Variants in ITCH observed in about 807,000 individuals in gnomAD.
ITCH encodes E3 ubiquitin-protein ligase Itchy homolog.
ITCH carries 28 observed loss-of-function variants against 126.8 expected under a neutral mutation model. The observed-to-expected ratio is 0.22, with a 90% CI of 0.16 to 0.30. The LOEUF is 0.30. Among genes scored for constraint, ITCH ranks in the 10% least tolerant of loss-of-function variants. The pLI, the probability that ITCH is intolerant of heterozygous loss-of-function variation, is 1.00. For synonymous variants in ITCH, 342 were observed against 340.0 expected (o/e 1.01, Z -0.06); for missense variants, 631 against 1,032.4 (o/e 0.61, Z 5.33).
At chr20:34,363,551 G>T (rs943214115) in intron 1 of ITCH, among the ~76,000 whole-genome samples, 2 of 152,218 alleles carry the variant, frequency 1.3e-5, no homozygotes, top group African/African-American at 4.8e-5. Context: ...GTGGGGGTGG[G>T]CTGTCTGGAC....
At chr20:34,460,038 A>T (rs1986365716) in intron 13 of ITCH, among the ~76,000 whole-genome samples, 1 of 152,186 alleles carries the variant, frequency 6.6e-6, no homozygotes, top group Non-Finnish European at 1.5e-5. Flanking sequence ...AACACAGATG[A>T]CCTAGTTCTA....
chr20:34,384,440 C>A lies in ITCH; in HGVS notation c.-21-9351C>A, dbSNP rs2038195804. Among the ~76,000 whole-genome samples, 5 of 151,642 alleles carry A rather than the reference C, an allele frequency of 3.3e-5. No homozygotes were observed. The South Asian group carries it at 1.0e-3, about 32-fold the overall frequency. Reference sequence around the variant, plus strand: ...GGATTACAGGCATGCGCCACCATGTCCAGCTCATTTTTGTATTTTTAGTAG... The same window carrying A: ...GGATTACAGGCATGCGCCACCATGTACAGCTCATTTTTGTATTTTTAGTAG... On this transcript the variant is annotated intron_variant, in intron 2 of 24. Coordinates refer to ENST00000374864, the MANE Select transcript of ITCH (RefSeq NM_031483.7).
intron 23 of ITCH, among the ~76,000 whole-genome samples, chr20:34,499,272 C>CTCTTTTTTT (rs1990092141): frequency 4.3e-5 from 1 of 23,010 alleles, no homozygotes; most frequent in African/African-American, 1.6e-4. Context: ...CTGTGCCCAG[C>CTCTTTTTTT]TTTTTTTTTT....
chr20:34,466,891 G>A (rs868560489), intron 14 of ITCH, among the ~76,000 whole-genome samples: 11 of 152,092 alleles, frequency 7.2e-5, no homozygotes, highest in African/African-American at 2.7e-4. Context: ...CTAGAAAAAG[G>A]CAAGTTATTA....
At chr20:34,479,159 A>AG (rs1385448931) in intron 17 of ITCH, among the ~76,000 whole-genome samples, 1 of 152,198 alleles carries the variant, frequency 6.6e-6, no homozygotes, top group Admixed American at 6.5e-5. Flanking sequence ...TTTAACGTGT[A>AG]GGGAGTAGTG....
At chr20:34,431,579 AG>A (rs1352616458) in intron 7 of ITCH, among the ~76,000 whole-genome samples, 1 of 152,186 alleles carries the variant, frequency 6.6e-6, no homozygotes, top group African/African-American at 2.4e-5. Flanking sequence ...TTGAGATCCT[AG>A]GGAAAAATCT....
chr20:34,465,645 T>G (rs1388763340), intron 14 of ITCH, among the ~76,000 whole-genome samples: 1 of 152,166 alleles, frequency 6.6e-6, no homozygotes, highest in Non-Finnish European at 1.5e-5. Flanking sequence ...GATTAATTCC[T>G]AAGTATTTTT....
intron 24 of ITCH, among the ~76,000 whole-genome samples, chr20:34,504,922 A>G (rs1267465013): frequency 1.3e-5 from 2 of 152,106 alleles, no homozygotes; most frequent in African/African-American, 4.8e-5. Context: ...GTTTTTATAC[A>G]TAATGTTTTG....
rs374135990 is a variant in ITCH, at chr20:34,480,628, G to A, written c.1848G>A (p.Thr616=). The change falls in exon 19 of 25, where the codon ACG becomes ACA. Residue 616 remains threonine (T), a synonymous_variant. Coordinates refer to ENST00000374864, the MANE Select transcript of ITCH (RefSeq NM_031483.7). ...MALFHGKFID[T]GFSLPFYKRI... is the part of the protein sequence containing the mutation. ...TGTTCCATGGGAAATTCATAGACAC[G>A]GGTTTTTCTTTACCATTCTATAAGC... The A allele has an allele frequency of 1.7e-5, 28 of 1,613,602 alleles. No homozygotes were observed. The highest frequency in any genetic ancestry group is 3.3e-5 in the Admixed American group (2 of 59,994).
chr20:34,429,217 G>A (rs6059828), intron 7 of ITCH, among the ~76,000 whole-genome samples: 1 of 152,162 alleles, frequency 6.6e-6, no homozygotes, highest in Non-Finnish European at 1.5e-5. Flanking sequence ...TGGGATTATA[G>A]GTGTGAGCCA....
chr20:34,454,931 G>A (rs567321547), intron 12 of ITCH, among the ~76,000 whole-genome samples: 2 of 146,510 alleles, frequency 1.4e-5, no homozygotes, highest in African/African-American at 5.1e-5. Flanking sequence ...CCGGGTTCAA[G>A]CGATTCTCCT....
At chr20:34,470,678 G>T (rs2146416894) in intron 15 of ITCH, among the ~76,000 whole-genome samples, 1 of 152,144 alleles carries the variant, frequency 6.6e-6, no homozygotes, top group East Asian at 1.9e-4. Context: ...CTGCAGCCTT[G>T]ACCTCCTGGG....
intron 2 of ITCH, among the ~76,000 whole-genome samples, chr20:34,379,894 GCCCC>G (rs138821902): frequency 1.0e-5 from 1 of 98,170 alleles, no homozygotes; most frequent in Non-Finnish European, 1.9e-5. Context: ...ACTGCACCCG[GCCCC>G]CCCCCCCCTT....
rs10598635 is a variant in ITCH, at chr20:34,510,443, A to ATTTTT, written c.*2672_*2676dup. 2.7e-4 allele frequency: 17 copies of ATTTTT among 63,226 alleles called. 1 individual carries two copies. Among genetic ancestry groups the ATTTTT allele is most frequent in the African/African-American group, 4.8e-4 (7 of 14,638 alleles). The allele number at this position is 63,226 out of a possible 1,614,324, so 3.9% of individuals were successfully genotyped here. A position where few individuals can be genotyped will look rare whatever the true frequency, so the allele number is the denominator to read the frequency against. ...TTGTAAATGCTAATAAATCCTGTTA[A>ATTTTT]TTTTTTTTTTTTTTTTTTTTTTTTT... On this transcript the variant is annotated 3_prime_UTR_variant, in exon 25 of 25. Coordinates refer to ENST00000374864, the MANE Select transcript of ITCH (RefSeq NM_031483.7).
chr20:34,473,251 GA>G (rs1284064421), intron 16 of ITCH, among the ~76,000 whole-genome samples: 3 of 152,214 alleles, frequency 2.0e-5, no homozygotes, highest in Non-Finnish European at 4.4e-5. Context: ...GGTTATGGGG[GA>G]AAGTACAGGA....
At chr20:34,488,300 A>G (rs368860069) in intron 20 of ITCH, among the ~76,000 whole-genome samples, 2 of 152,024 alleles carry the variant, frequency 1.3e-5, no homozygotes, top group South Asian at 4.1e-4. Context: ...TTTGAAGGAT[A>G]TTGTCACTAG....
At chr20:34,432,849 CAA>C (rs997793377) in intron 7 of ITCH, among the ~76,000 whole-genome samples, 1 of 152,066 alleles carries the variant, frequency 6.6e-6, no homozygotes, top group African/African-American at 2.4e-5. Flanking sequence ...CCCAACTACA[CAA>C]AAGGCTGAGT....
In ITCH at chr20:34,386,095, G is replaced by GTTTTTTTTTTTTGT. The variant is rs58468663; in HGVS notation, c.-21-7685_-21-7684insTGTTTTTTTTTTTT. On this transcript the variant is annotated intron_variant, in intron 2 of 24. Coordinates refer to ENST00000374864, the MANE Select transcript of ITCH (RefSeq NM_031483.7). ...CCCATGCACCAAAGTCGGCTCCTTTGTTTTTTTTTTTGTTTTGTTTTGTTT... is the reference window on the plus strand; with the variant it reads ...CCCATGCACCAAAGTCGGCTCCTTTGTTTTTTTTTTTTGTTTTTTTTTTTTGTTTTGTTTTGTTT... Among the ~76,000 whole-genome samples, 388 of 144,712 alleles carry GTTTTTTTTTTTTGT rather than the reference G, an allele frequency of 2.7e-3. 1 individual carries two copies. The highest frequency in any genetic ancestry group is 9.4e-3 in the African/African-American group (370 of 39,404). 94.9% of individuals were successfully genotyped at this position (144,712 alleles called of 152,430 possible).
chr20:34,464,618 C>T lies in ITCH; in HGVS notation c.1424+2397C>T, dbSNP rs7264286. Among the ~76,000 whole-genome samples the T allele has an allele frequency of 8.9e-3, 1,357 of 152,118 alleles. 19 individuals carry two copies. Among genetic ancestry groups the T allele is most frequent in the African/African-American group, 0.031 (1,281 of 41,486 alleles). Reference sequence around the variant, plus strand: ...TTGGGATTACAGATGTGAAGCTCCGCGCCCAGCCTGTCAGTTTTTTCTTTG... The same window carrying T: ...TTGGGATTACAGATGTGAAGCTCCGTGCCCAGCCTGTCAGTTTTTTCTTTG... On this transcript the variant is annotated intron_variant, in intron 14 of 24. Transcript: ENST00000374864.
Sources: allele counts gnomAD v4.1 joint callset (sites outside exome capture counted in the v4.1 genomes callset), GRCh38; gene constraint gnomAD v4.1.1; transcripts MANE v1.5; gene names NCBI Gene and HGNC (gene_info 2026-07-23, HGNC 2026-07-21).